AHCYL2: variants seen among roughly 807,000 people sequenced by gnomAD.
The protein encoded by AHCYL2 is S-adenosylhomocysteine hydrolase-like protein 2.
A neutral mutation model predicts 81.4 loss-of-function variants in AHCYL2; 28 were observed. That is an observed-to-expected ratio of 0.34 (90% confidence interval 0.25 to 0.47). AHCYL2 has a LOEUF of 0.47. AHCYL2 is among the 20% of genes least tolerant of loss of function. The pLI, the probability that AHCYL2 is intolerant of heterozygous loss-of-function variation, is 1.00. For missense variants in AHCYL2, 551 were observed against 785.1 expected (o/e 0.70, Z 3.56); for synonymous variants, 272 against 290.2 (o/e 0.94, Z 0.64).
At chr7:129,289,825 C>T (rs541414438) in intron 1 of AHCYL2, among the ~76,000 whole-genome samples, 66 of 151,662 alleles carry the variant, frequency 4.4e-4, no homozygotes, top group African/African-American at 1.3e-3. Flanking sequence ...CTCTGTTGCC[C>T]AGGCTGGAGT....
intron 1 of AHCYL2, among the ~76,000 whole-genome samples, chr7:129,269,523 G>A (rs1416073555): frequency 6.6e-6 from 1 of 151,952 alleles, no homozygotes; most frequent in African/African-American, 2.4e-5. Flanking sequence ...TCCTGAGCTC[G>A]TGATTCACCC....
chr7:129,362,184 A>T (rs1403657394), intron 1 of AHCYL2, among the ~76,000 whole-genome samples: 2 of 152,192 alleles, frequency 1.3e-5, no homozygotes, highest in Non-Finnish European at 2.9e-5. Flanking sequence ...AAAGAAACAA[A>T]GGTTCAAAAA....
At chr7:129,421,102 A>C (rs1797096376) in intron 12 of AHCYL2, among the ~76,000 whole-genome samples, 1 of 152,130 alleles carries the variant, frequency 6.6e-6, no homozygotes, top group Admixed American at 6.5e-5. Context: ...AAATATAAAA[A>C]TTAGCTGGGC....
At chr7:129,269,557 G>A (rs1795933094) in intron 1 of AHCYL2, among the ~76,000 whole-genome samples, 1 of 150,896 alleles carries the variant, frequency 6.6e-6, no homozygotes, top group South Asian at 2.1e-4. Context: ...AAAGTGTTGG[G>A]ATTATAGGCG....
rs533435664 is a variant in AHCYL2, at chr7:129,232,583, A to G, written c.363+7144A>G. 8.5e-5 allele frequency among the ~76,000 whole-genome samples: 13 copies of G among 152,266 alleles called. 1 individual carries two copies. The highest frequency in any genetic ancestry group is 3.1e-4 in the African/African-American group (13 of 41,560). On this transcript the variant is annotated intron_variant, in intron 1 of 16. Transcript: ENST00000325006. Reference sequence around the variant, plus strand: ...CCATCCGCCATCCATTATCTTCCCAATACTAATTCCTTTACCACTCTCTTC... The same window carrying G: ...CCATCCGCCATCCATTATCTTCCCAGTACTAATTCCTTTACCACTCTCTTC...
intron 1 of AHCYL2, among the ~76,000 whole-genome samples, chr7:129,354,783 A>T (rs4460315): frequency 7.9e-5 from 12 of 152,050 alleles, no homozygotes; most frequent in Non-Finnish European, 1.3e-4. Flanking sequence ...AACTGCACTT[A>T]GAAGCAAAGT....
At chr7:129,281,312 T>G (rs1470785080) in intron 1 of AHCYL2, among the ~76,000 whole-genome samples, 1 of 152,114 alleles carries the variant, frequency 6.6e-6, no homozygotes, top group Non-Finnish European at 1.5e-5. Flanking sequence ...GTTATTAGTA[T>G]GCAATTTTCT....
chr7:129,401,134 G>C (rs1313137279), intron 6 of AHCYL2, among the ~76,000 whole-genome samples: 1 of 152,106 alleles, frequency 6.6e-6, no homozygotes, highest in Non-Finnish European at 1.5e-5. Context: ...GACCAGCCTG[G>C]GCAACATAGG....
At chr7:129,284,599 C>CAAA (rs1232402820) in intron 1 of AHCYL2, among the ~76,000 whole-genome samples, 4 of 53,244 alleles carry the variant, frequency 7.5e-5, no homozygotes, top group East Asian at 6.5e-4. Context: ...GACTTCGTCT[C>CAAA]AAAAAAAAAA....
At position 129,402,885 on chromosome 7, in the gene AHCYL2, A is replaced by G. The variant is rs559044201; in HGVS notation, c.919-494A>G. On this transcript the variant is annotated intron_variant, in intron 6 of 16. Coordinates refer to ENST00000325006, the MANE Select transcript of AHCYL2 (RefSeq NM_015328.4). ...ATTAAGGAATACAGTTTTATAAACC[A>G]TTGTTCTGACAGGGAGACTTAATTA... Among the ~76,000 whole-genome samples, 11 of 152,156 alleles carry G rather than the reference A, an allele frequency of 7.2e-5. No homozygotes were observed. The South Asian group carries it at 1.9e-3, about 26-fold the overall frequency.
chr7:129,292,576 G>A (rs1796904986), intron 1 of AHCYL2, among the ~76,000 whole-genome samples: 1 of 152,122 alleles, frequency 6.6e-6, no homozygotes, highest in Non-Finnish European at 1.5e-5. Context: ...AGACCAGCCA[G>A]GCCAACATGG....
In AHCYL2 at chr7:129,261,041, C is replaced by T. The variant is rs561300807; in HGVS notation, c.363+35602C>T. Among the ~76,000 whole-genome samples, 16 of 152,280 alleles carry T rather than the reference C, an allele frequency of 1.1e-4. No homozygotes were observed. In the South Asian group the frequency reaches 2.3e-3, roughly 22 times the overall value. On this transcript the variant is annotated intron_variant, in intron 1 of 16. Coordinates refer to ENST00000325006, the MANE Select transcript of AHCYL2 (RefSeq NM_015328.4). ...CTGACCTTAAGTGATCTGCCCATCT[C>T]GGCCTCCCAAAGTGCTGGGATTACA...
At chr7:129,392,576 C>A (rs1408971977) in intron 4 of AHCYL2, among the ~76,000 whole-genome samples, 1 of 152,286 alleles carries the variant, frequency 6.6e-6, no homozygotes, top group East Asian at 1.9e-4. Flanking sequence ...ACATATGACT[C>A]TGGGGGAGGA....
At chr7:129,268,118 G>T (rs576723546) in intron 1 of AHCYL2, among the ~76,000 whole-genome samples, 1 of 152,118 alleles carries the variant, frequency 6.6e-6, no homozygotes, top group Non-Finnish European at 1.5e-5. Context: ...CTAGTAATTA[G>T]TAATTTAGTA....
At chr7:129,284,349 G>A (rs1796551302) in intron 1 of AHCYL2, among the ~76,000 whole-genome samples, 1 of 152,188 alleles carries the variant, frequency 6.6e-6, no homozygotes, top group African/African-American at 2.4e-5. Flanking sequence ...TGTAATCCCA[G>A]CACTTTGGGA....
At chr7:129,280,129 T>C (rs1381827984) in intron 1 of AHCYL2, among the ~76,000 whole-genome samples, 1 of 152,062 alleles carries the variant, frequency 6.6e-6, no homozygotes, top group African/African-American at 2.4e-5. Flanking sequence ...TACAGAAATA[T>C]CAATTGACTT....
chr7:129,410,011 A>G, intron 11 of AHCYL2: 3 of 691,484 alleles, frequency 4.3e-6, no homozygotes, highest in East Asian at 2.7e-5. Flanking sequence ...TGCAGGAGGT[A>G]CATTCTGCTT....
Position 129,406,115 on chromosome 7 carries a change from G to A in AHCYL2, c.1206+216G>A, listed in dbSNP as rs757681181. 6.6e-6 allele frequency among the ~76,000 whole-genome samples: 1 copy of A among 152,140 alleles called. No homozygotes were observed. Among genetic ancestry groups the A allele is most frequent in the African/African-American group, 2.4e-5 (1 of 41,420 alleles). On this transcript the variant is annotated intron_variant, in intron 9 of 16. Transcript: ENST00000325006. This position sits in a 1 kb window ranked among gnomAD's most constrained non-coding sequence, Gnocchi z 4.3. The stretch of plus-strand genomic sequence containing the variant: ...TTTTCTGACTTGCTCCAGTACCACC[G>A]TTTGTGATGTTCTTTTTAGCTTGTG...
chr7:129,233,384 T>G (rs1354675152), intron 1 of AHCYL2, among the ~76,000 whole-genome samples: 3 of 152,132 alleles, frequency 2.0e-5, no homozygotes, highest in Admixed American at 2.0e-4. Context: ...TATCTTGCCA[T>G]GTTGCAGGTC....
Sources: gnomAD v4.1 joint callset for allele counts (sites outside exome capture counted in the v4.1 genomes callset) on GRCh38, gnomAD v4.1.1 for gene constraint, Gnocchi (gnomAD v3.1) non-coding constraint, MANE v1.5 for transcripts, NCBI Gene and HGNC (gene_info 2026-07-23, HGNC 2026-07-21) for gene names.